ULK4: variants seen among roughly 807,000 people sequenced by gnomAD.
The protein encoded by ULK4 is inactive serine/threonine-protein kinase ULK4.
ULK4 carries 133 observed loss-of-function variants against 160.6 expected under a neutral mutation model. The observed-to-expected ratio is 0.83, with a 90% CI of 0.72 to 0.96. ULK4 has a LOEUF of 0.96. Ranked by LOEUF, ULK4 falls within the 40% of genes least tolerant of loss-of-function variation. ULK4 has a pLI of 0.00. For synonymous variants in ULK4, 534 were observed against 539.8 expected (o/e 0.99, Z 0.15); for missense variants, 1,580 against 1,499.5 (o/e 1.05, Z -0.89).
chr3:41,528,095 T>C (rs1013622097), intron 32 of ULK4, among the ~76,000 whole-genome samples: 1 of 152,212 alleles, frequency 6.6e-6, no homozygotes, highest in Non-Finnish European at 1.5e-5. Context: ...GCCAATGGAA[T>C]TTCAAATCTC....
At chr3:41,400,243 T>C (rs2082151581) in intron 34 of ULK4, among the ~76,000 whole-genome samples, 1 of 152,148 alleles carries the variant, frequency 6.6e-6, no homozygotes, top group South Asian at 2.1e-4. Context: ...TGTTTGTACA[T>C]ATTGTATTTA....
chr3:41,441,216 T>C (rs2125856623), intron 34 of ULK4, among the ~76,000 whole-genome samples: 1 of 152,180 alleles, frequency 6.6e-6, no homozygotes, highest in East Asian at 1.9e-4. Flanking sequence ...TTTTCTAGTC[T>C]TTTAAGGTAG....
chr3:41,584,750 GAAC>G (rs1474386303), intron 31 of ULK4, among the ~76,000 whole-genome samples: 2 of 151,970 alleles, frequency 1.3e-5, no homozygotes, highest in Non-Finnish European at 2.9e-5. Context: ...GATAAGATTT[GAAC>G]AACATACTCA....
At chr3:41,691,110 A>G (rs9830637) in intron 27 of ULK4, among the ~76,000 whole-genome samples, 12,067 of 151,938 alleles carry the variant, frequency 0.079, 1,426 homozygotes, top group African/African-American at 0.26. Context: ...CAACATGTGC[A>G]CTAAGAGGCA....
At chr3:41,918,432 T>C in intron 7 of ULK4, 25 bp downstream of exon 7, 1 of 1,501,052 alleles carries the variant, frequency 6.7e-7, no homozygotes, top group Non-Finnish European at 9.1e-7. Context: ...TGTAAATTAA[T>C]TCCATTTATC....
Position 41,705,198 on chromosome 3 carries a change from A to G in ULK4, c.2687-47T>C, listed in dbSNP as rs1575588771. On this transcript the variant is annotated intron_variant, in intron 26 of 36. Coordinates refer to ENST00000301831, the MANE Select transcript of ULK4 (RefSeq NM_017886.4). ...ATAGGTGTTTATTTACATGTTCTAAATCATAATATCAAAGTACCTCAAACA... is the reference window on the plus strand; with the variant it reads ...ATAGGTGTTTATTTACATGTTCTAAGTCATAATATCAAAGTACCTCAAACA... 6.2e-6 allele frequency: 10 copies of G among 1,609,782 alleles called. No individual in the cohort carries two copies. The East Asian group carries it at 2.2e-4, about 36-fold the overall frequency.
chr3:41,304,932 T>C (rs1304473815), intron 35 of ULK4, among the ~76,000 whole-genome samples: 1 of 152,190 alleles, frequency 6.6e-6, no homozygotes, highest in Non-Finnish European at 1.5e-5. Flanking sequence ...AACGCAGTAT[T>C]ATCATCAGAG....
chr3:41,808,890 C>T (rs1375949546), intron 19 of ULK4, among the ~76,000 whole-genome samples: 1 of 152,094 alleles, frequency 6.6e-6, no homozygotes, highest in Non-Finnish European at 1.5e-5. Context: ...TGCTGCCAGC[C>T]GGGTGAGGTG....
intron 35 of ULK4, among the ~76,000 whole-genome samples, chr3:41,318,404 G>C (rs1432082887): frequency 6.6e-6 from 1 of 152,004 alleles, no homozygotes; most frequent in Non-Finnish European, 1.5e-5. Context: ...AATTAGATTT[G>C]GGTTTAAATT....
rs1553691556 is a variant in ULK4 at position 41,949,432 on chromosome 3, A to ATTTC, written c.138+5189_138+5190insGAAA. Among the ~76,000 whole-genome samples the ATTTC allele has an allele frequency of 8.4e-3, 1,193 of 141,612 alleles. 15 individuals are homozygous for ATTTC. Among genetic ancestry groups the ATTTC allele is most frequent in the African/African-American group, 0.03 (1,148 of 38,580 alleles). The allele number at this position is 141,612 out of a possible 152,430, so 92.9% of individuals were successfully genotyped here. On this transcript the variant is annotated intron_variant, in intron 2 of 36. Coordinates refer to ENST00000301831, the MANE Select transcript of ULK4 (RefSeq NM_017886.4). Reference sequence around the variant, plus strand: ...GGTCCAACACTTAAAGATTAGCGGAATTTTTTTTTTTTTTTTTGAGACAGC... The same window carrying ATTTC: ...GGTCCAACACTTAAAGATTAGCGGAATTTCTTTTTTTTTTTTTTTTTGAGACAGC...
intron 30 of ULK4, among the ~76,000 whole-genome samples, chr3:41,662,920 TAA>T (rs1270615083): frequency 7.0e-6 from 1 of 143,478 alleles, no homozygotes; most frequent in African/African-American, 2.5e-5. Flanking sequence ...AAATAAAAAA[TAA>T]AAAAAAAAAG....
intron 22 of ULK4, among the ~76,000 whole-genome samples, chr3:41,741,784 C>A (rs1056962665): frequency 2.0e-5 from 3 of 151,786 alleles, no homozygotes; most frequent in African/African-American, 7.3e-5. Flanking sequence ...TCTAGTTCTG[C>A]CAAGATGGAG....
chr3:41,935,679 A>G (rs1699754442), intron 4 of ULK4, 122 bp downstream of exon 4: 20 of 1,226,270 alleles, frequency 1.6e-5, no homozygotes, highest in Non-Finnish European at 2.2e-5. Flanking sequence ...TTTTAAAAAA[A>G]GATTAACTAA....
At chr3:41,661,525 T>C (rs142111570) in intron 30 of ULK4, among the ~76,000 whole-genome samples, 3 of 141,478 alleles carry the variant, frequency 2.1e-5, no homozygotes, top group African/African-American at 9.4e-5. Flanking sequence ...GATAGATAGA[T>C]AGATAAATAG....
chr3:41,858,643 C>T (rs1393486104), intron 17 of ULK4, among the ~76,000 whole-genome samples: 1 of 150,770 alleles, frequency 6.6e-6, no homozygotes, highest in Non-Finnish European at 1.5e-5. Flanking sequence ...CAGGCACGTG[C>T]CACCATGCTT....
intron 32 of ULK4, among the ~76,000 whole-genome samples, chr3:41,519,392 G>A (rs1032422929): frequency 2.0e-5 from 3 of 152,148 alleles, no homozygotes; most frequent in African/African-American, 7.2e-5. Context: ...GTTCCTACTT[G>A]CCTCACTACC....
At chr3:41,841,177 G>C in intron 17 of ULK4, among the ~76,000 whole-genome samples, 1 of 146,918 alleles carries the variant, frequency 6.8e-6, no homozygotes, top group African/African-American at 2.5e-5. Context: ...CGACTGGGAG[G>C]TGAGGAGCGC....
chr3:41,549,497 AAAT>A (rs2086987625), intron 32 of ULK4, among the ~76,000 whole-genome samples: 1 of 152,118 alleles, frequency 6.6e-6, no homozygotes, highest in African/African-American at 2.4e-5. Flanking sequence ...GTCAGATAAA[AAAT>A]AATAAAAATT....
At chr3:41,576,115 A>C (rs922415843) in intron 31 of ULK4, among the ~76,000 whole-genome samples, 1 of 152,258 alleles carries the variant, frequency 6.6e-6, no homozygotes, top group African/African-American at 2.4e-5. Context: ...AAATGAAAAA[A>C]TAGAACACAT....
Sources: gnomAD v4.1 joint callset for allele counts (sites outside exome capture counted in the v4.1 genomes callset) on GRCh38, gnomAD v4.1.1 for gene constraint, MANE v1.5 for transcripts, NCBI Gene and HGNC (gene_info 2026-07-23, HGNC 2026-07-21) for gene names.